The following CUEDC2 variants were observed in gnomAD, a reference collection of about 807,000 sequenced individuals.
CUEDC2 encodes the protein CUE domain-containing protein 2.
Under a neutral mutation model 36.0 loss-of-function variants are expected in CUEDC2, and 10 were observed. The ratio of observed to expected loss-of-function variants is 0.28; its 90% confidence interval spans 0.17 to 0.47. CUEDC2 has a LOEUF of 0.47. Among genes scored for constraint, CUEDC2 ranks in the 20% least tolerant of loss-of-function variants. CUEDC2 has a pLI of 0.99. For missense variants in CUEDC2, 269 were observed against 368.1 expected, an observed-to-expected ratio of 0.73 and a Z score of 2.20; for synonymous variants, 133 against 141.8, an observed-to-expected ratio of 0.94 and a Z score of 0.44.
At position 102,424,446 on chromosome 10, in the gene CUEDC2, A is replaced by AGTTGGG; in HGVS notation, c.280+47_280+52dup. ...TTTGCCAAGGCTCTGGGGAGCAGGC[A>AGTTGGG]GTTGGGGGAGCGGGATTATGAATCA... is the stretch of plus-strand genomic sequence containing the variant. On this transcript the variant is annotated intron_variant, in intron 4 of 8. Coordinates refer to ENST00000369937, the MANE Select transcript of CUEDC2 (RefSeq NM_024040.3). The surrounding 1 kb of genome is among the most constrained non-coding windows in gnomAD (Gnocchi z 4.2). 6.2e-7 allele frequency: 1 copy of AGTTGGG among 1,614,068 alleles called. No homozygotes were observed. The highest frequency in any genetic ancestry group is 8.5e-7 in the Non-Finnish European group (1 of 1,179,966).
chr10:102,430,665 C>T (rs1360070244), intron 1 of CUEDC2, among the ~76,000 whole-genome samples: 2 of 152,106 alleles, frequency 1.3e-5, no homozygotes, highest in Non-Finnish European at 2.9e-5. Flanking sequence ...TTTTGGTCTA[C>T]CCAAACTTCA....
chr10:102,423,874 G>A lies in CUEDC2; in HGVS notation c.595-15C>T, dbSNP rs777700197. On this transcript the variant is annotated splice_polypyrimidine_tract_variant and intron_variant, in intron 6 of 8. Coordinates refer to ENST00000369937, the MANE Select transcript of CUEDC2 (RefSeq NM_024040.3). This position sits in a 1 kb window ranked among gnomAD's most constrained non-coding sequence, Gnocchi z 5.6. The stretch of plus-strand genomic sequence containing the variant: ...CTGGGCAGGTCCTGCAGAGAGGGGA[G>A]GCCTGGTCTAGGCCCAAGGGCACCA... 2.5e-6 allele frequency: 4 copies of A among 1,610,672 alleles called. No homozygotes were observed. The African/African-American group carries it at 4.0e-5, about 16-fold the overall frequency.
At chr10:102,429,771 C>T (rs1209972629) in intron 1 of CUEDC2, among the ~76,000 whole-genome samples, 4 of 150,914 alleles carry the variant, frequency 2.7e-5, no homozygotes, top group African/African-American at 9.8e-5. Context: ...GCATGGTAGC[C>T]TCTGCCGGGA....
rs377444631 is a variant in CUEDC2 at position 102,425,123 on chromosome 10, G to A, written c.66C>T (p.Ala22=). The A allele has an allele frequency of 6.2e-6, 10 of 1,613,490 alleles. No homozygotes were observed. The highest frequency in any genetic ancestry group is 1.6e-4 in the Middle Eastern group (1 of 6,084). ...LAFVQTHLPE[A]DLSGLDEVIF... ...GGGGGACCCGTCTCTACCTGAGGTC[G>A]GCCTCCGGGAGGTGTGTCTGGACAA... The change falls in exon 2 of 9, where the codon GCC becomes GCT. Residue 22 remains alanine (A), a synonymous_variant. Coordinates refer to ENST00000369937, the MANE Select transcript of CUEDC2 (RefSeq NM_024040.3).
In CUEDC2 at chr10:102,423,940, A is replaced by G. The variant is rs973193585; in HGVS notation, c.594+56T>C. ...GGGGATAGGTAGGGGTTGGGGCTTAACACCAAGGTGGAATGTAGCTGAGGC... is the reference window on the plus strand; with the variant it reads ...GGGGATAGGTAGGGGTTGGGGCTTAGCACCAAGGTGGAATGTAGCTGAGGC... On this transcript the variant is annotated intron_variant, in intron 6 of 8. Coordinates refer to ENST00000369937, the MANE Select transcript of CUEDC2 (RefSeq NM_024040.3). This position sits in a 1 kb window ranked among gnomAD's most constrained non-coding sequence, Gnocchi z 5.6. The G allele has an allele frequency of 4.4e-6, 7 of 1,603,460 alleles. No individual in the cohort carries two copies. Among genetic ancestry groups the G allele is most frequent in the Non-Finnish European group, 6.0e-6 (7 of 1,174,506 alleles).
intron 1 of CUEDC2, among the ~76,000 whole-genome samples, chr10:102,432,144 A>G (rs1468583215): frequency 6.6e-6 from 1 of 152,170 alleles, no homozygotes; most frequent in African/African-American, 2.4e-5. Flanking sequence ...TAGAGGCACC[A>G]AGGGCATTGA....
intron 1 of CUEDC2, among the ~76,000 whole-genome samples, chr10:102,425,856 C>T (rs886592401): frequency 6.6e-6 from 1 of 152,098 alleles, no homozygotes; most frequent in Non-Finnish European, 1.5e-5. Context: ...CCCAGTCCCT[C>T]CTCCCTAGCT....
rs369016562 is a variant in CUEDC2, at chr10:102,424,663, G to A, written c.204C>T (p.Phe68=). Reference sequence around the variant, plus strand: ...CCAGAACCTACCTGGGGATGTGGGCGAAGCCAGGCACATAGGCCTCCATCA... The same window carrying A: ...CCAGAACCTACCTGGGGATGTGGGCAAAGCCAGGCACATAGGCCTCCATCA... ...TEMMEAYVPG[F]AHIPRGTIGD... The change falls in exon 3 of 9, where the codon TTC becomes TTT. Residue 68 remains phenylalanine, a synonymous_variant. Coordinates refer to ENST00000369937, the MANE Select transcript of CUEDC2 (RefSeq NM_024040.3). The surrounding 1 kb of genome is among the most constrained non-coding windows in gnomAD (Gnocchi z 4.2). 515 of 1,614,166 alleles carry A rather than the reference G, an allele frequency of 3.2e-4. 3 individuals carry two copies. In the Middle Eastern group the frequency reaches 3.3e-3, roughly 10 times the overall value.
chr10:102,427,308 C>T (rs1384019979), intron 1 of CUEDC2, among the ~76,000 whole-genome samples: 2 of 152,154 alleles, frequency 1.3e-5, no homozygotes, highest in African/African-American at 4.8e-5. Context: ...TCTGGGCCCA[C>T]ATCTTTATGT....
intron 1 of CUEDC2, among the ~76,000 whole-genome samples, chr10:102,429,683 C>T (rs2135473171): frequency 6.7e-6 from 1 of 148,314 alleles, no homozygotes. Flanking sequence ...CATCATGCAG[C>T]TCCCTCAGGG....
In CUEDC2 at chr10:102,424,521, C is replaced by A; in HGVS notation, c.258G>T (p.Gln86His). 6.2e-7 allele frequency: 1 copy of A among 1,614,186 alleles called. No individual in the cohort carries two copies. ...IGDMMQKLSG[Q>H]LSDARNKENL... ...CACCTTTGTTCCTGGCATCGCTCAG[C>A]TGCCCTGAGAGCTTCTGCATCATGT... The change falls in exon 4 of 9, where the codon CAG becomes CAT. Residue 86 changes from glutamine to histidine, a missense_variant. Coordinates refer to ENST00000369937, the MANE Select transcript of CUEDC2 (RefSeq NM_024040.3). This position sits in a 1 kb window ranked among gnomAD's most constrained non-coding sequence, Gnocchi z 4.2.
At chr10:102,428,060 G>T (rs192409309) in intron 1 of CUEDC2, among the ~76,000 whole-genome samples, 1 of 152,134 alleles carries the variant, frequency 6.6e-6, no homozygotes, top group Non-Finnish European at 1.5e-5. Flanking sequence ...TCCTGCCTCA[G>T]CCTCCCGAGT....
chr10:102,429,139 C>G (rs1403768235), intron 1 of CUEDC2, among the ~76,000 whole-genome samples: 1 of 152,198 alleles, frequency 6.6e-6, no homozygotes, highest in Non-Finnish European at 1.5e-5. Context: ...ATATTACACT[C>G]TCTATGCAGG....
chr10:102,423,777 C>G lies in CUEDC2; in HGVS notation c.656+21G>C. The G allele has an allele frequency of 6.2e-7, 1 of 1,613,864 alleles. No homozygotes were observed. The highest frequency in any genetic ancestry group is 8.5e-7 in the Non-Finnish European group (1 of 1,179,920). Reference sequence around the variant, plus strand: ...CCTGGGAAGACCCTCTAGGGCCCAGCCCAGCCCAGCCCAGACTCACTTCTG... The same window carrying G: ...CCTGGGAAGACCCTCTAGGGCCCAGGCCAGCCCAGCCCAGACTCACTTCTG... On this transcript the variant is annotated intron_variant, in intron 7 of 8. Transcript: ENST00000369937. This position sits in a 1 kb window ranked among gnomAD's most constrained non-coding sequence, Gnocchi z 5.6.
In CUEDC2 at chr10:102,429,000, C is replaced by T. The variant is rs368479775; in HGVS notation, c.-11+3526G>A. 7.8e-5 allele frequency among the ~76,000 whole-genome samples: 11 copies of T among 141,926 alleles called. No homozygotes were observed. In the South Asian group the frequency reaches 8.8e-4, roughly 11 times the overall value. The allele number at this position is 141,926 out of a possible 152,430, so 93.1% of individuals were successfully genotyped here. On this transcript the variant is annotated intron_variant, in intron 1 of 8. Coordinates refer to ENST00000369937, the MANE Select transcript of CUEDC2 (RefSeq NM_024040.3). ...TTGCACCACTGCACTCCAGCCTGGA[C>T]GACAGAGTGAGACTTTGTCTCAAAA...
intron 1 of CUEDC2, among the ~76,000 whole-genome samples, chr10:102,425,804 G>A (rs2061594173): frequency 6.6e-6 from 1 of 151,918 alleles, no homozygotes; most frequent in African/African-American, 2.4e-5. Context: ...CCCAAGGCCT[G>A]AGGAGCCCAC....
intron 1 of CUEDC2, among the ~76,000 whole-genome samples, chr10:102,427,305 C>T (rs2061600704): frequency 6.6e-6 from 1 of 152,120 alleles, no homozygotes; most frequent in African/African-American, 2.4e-5. Context: ...TCATCTGGGC[C>T]CACATCTTTA....
In CUEDC2 at chr10:102,424,807, C is replaced by T. The variant is rs1230320704; in HGVS notation, c.75-15G>A. 6.2e-7 allele frequency: 1 copy of T among 1,611,790 alleles called. No individual in the cohort carries two copies. ...CATCCAAGCCACTGCAGGAAGGGAA[C>T]AGGACAAGCCCTGGGTAGGACACTG... On this transcript the variant is annotated splice_polypyrimidine_tract_variant and intron_variant, in intron 2 of 8. Transcript: ENST00000369937. This position sits in a 1 kb window ranked among gnomAD's most constrained non-coding sequence, Gnocchi z 4.2.
rs1419776004 is a variant in CUEDC2 at position 102,423,305 on chromosome 10, T to C, written c.*121A>G. On this transcript the variant is annotated 3_prime_UTR_variant, in exon 9 of 9. Transcript: ENST00000369937. The surrounding 1 kb of genome is among the most constrained non-coding windows in gnomAD (Gnocchi z 5.6). ...GGCAGCTCCGAGAGTAGGTTAACAC[T>C]ATGGAGCAAAGGAGTAGAGAAGGGG... 2 of 1,272,538 alleles carry C rather than the reference T, an allele frequency of 1.6e-6. No individual in the cohort carries two copies. Among genetic ancestry groups the C allele is most frequent in the Non-Finnish European group, 2.2e-6 (2 of 893,454 alleles). 78.8% of individuals were successfully genotyped at this position (1,272,538 alleles called of 1,614,324 possible). A position where few individuals can be genotyped will look rare whatever the true frequency, so the allele number is the denominator to read the frequency against.
Sources: gnomAD v4.1 joint callset for allele counts (sites outside exome capture counted in the v4.1 genomes callset) on GRCh38, gnomAD v4.1.1 for gene constraint, Gnocchi (gnomAD v3.1) non-coding constraint, MANE v1.5 for transcripts, NCBI Gene and HGNC (gene_info 2026-07-23, HGNC 2026-07-21) for gene names.